ZNF728: variants seen among roughly 807,000 people sequenced by gnomAD.
ZNF728 encodes the protein zinc finger protein 728.
In ZNF728, 12 loss-of-function variants were observed where a neutral mutation model predicts 12.5. The observed-to-expected ratio is 0.96, with a 90% CI of 0.61 to 1.55. The LOEUF is 1.55. ZNF728 is among the 40% of genes most tolerant of loss of function. ZNF728 has a pLI of 0.00. For missense variants in ZNF728, 692 were observed against 719.2 expected (o/e 0.96, Z 0.43); for synonymous variants, 205 against 240.7 (o/e 0.85, Z 1.37).
In ZNF728 at chr19:22,977,075, C is replaced by T; in HGVS notation, c.262G>A (p.Glu88Lys). Reference protein sequence around the residue: ...CSHFAQDLWPEQGREDSFQKV... With the variant: ...CSHFAQDLWPKQGREDSFQKV... ...TGGAAAGAATCTTCTCTGCCCTGCTCTGGCCAAAGGTCTTGAGCAAAATGA... is the reference window on the plus strand; with the variant it reads ...TGGAAAGAATCTTCTCTGCCCTGCTTTGGCCAAAGGTCTTGAGCAAAATGA... The change falls in exon 4 of 4, where the codon GAG becomes AAG. Residue 88 changes from glutamate (E) to lysine (K), a missense_variant. Transcript: ENST00000594710. 6.2e-7 allele frequency: 1 copy of T among 1,605,106 alleles called. No individual in the cohort carries two copies. The highest frequency in any genetic ancestry group is 8.5e-7 in the Non-Finnish European group (1 of 1,176,680).
At position 22,975,800 on chromosome 19, in the gene ZNF728, A is replaced by T. The variant is rs777903201; in HGVS notation, c.1537T>A (p.Cys513Ser). ...GCAACCTTACTGAAGGCTTTGCCAC[A>T]TTCTTCACATTTGTAGGGTTTCTCT... Reference protein sequence around the residue: ...TGEKPYKCEECGKAFSKVANL... With the variant: ...TGEKPYKCEESGKAFSKVANL... The change falls in exon 4 of 4, where the codon TGT (cysteine) becomes AGT (serine). Residue 513 changes from cysteine to serine, a missense_variant. This residue lies in a region of ZNF728 where 244 missense variants were observed against 235.2 expected (regional missense o/e 1.04). Coordinates refer to ENST00000594710, the MANE Select transcript of ZNF728 (RefSeq NM_001267716.2). The T allele has an allele frequency of 6.2e-7, 1 of 1,612,676 alleles. No homozygotes were observed. Among genetic ancestry groups the T allele is most frequent in the Non-Finnish European group, 8.5e-7 (1 of 1,179,934 alleles).
At chr19:22,998,936 C>T (rs929232482) in intron 1 of ZNF728, among the ~76,000 whole-genome samples, 22 of 152,154 alleles carry the variant, frequency 1.4e-4, no homozygotes, top group African/African-American at 5.3e-4. Flanking sequence ...CTGAGTTTGT[C>T]TTCAGTGGTC....
chr19:22,977,491 TTC>T (rs2145332543), intron 3 of ZNF728, among the ~76,000 whole-genome samples: 1 of 152,304 alleles, frequency 6.6e-6, no homozygotes, highest in Non-Finnish European at 1.5e-5. Context: ...ACAATTTAAT[TTC>T]TGTCTTCTAT....
intron 3 of ZNF728, among the ~76,000 whole-genome samples, chr19:22,981,609 C>T (rs1464135954): frequency 6.6e-6 from 1 of 152,152 alleles, no homozygotes; most frequent in African/African-American, 2.4e-5. Flanking sequence ...CCCTGATGAA[C>T]ATGGATGCAA....
intron 3 of ZNF728, among the ~76,000 whole-genome samples, chr19:22,978,750 C>T (rs1968832063): frequency 6.6e-6 from 1 of 152,162 alleles, no homozygotes; most frequent in African/African-American, 2.4e-5. Context: ...AGCTCCAGCA[C>T]ATCTGCAGCA....
chr19:23,002,105 C>G (rs1442022557), intron 1 of ZNF728, among the ~76,000 whole-genome samples: 1 of 152,222 alleles, frequency 6.6e-6, no homozygotes, highest in Admixed American at 6.5e-5. Context: ...CACTTGAAAT[C>G]AGGAGTTCAA....
At chr19:22,980,595 A>G (rs375577046) in intron 3 of ZNF728, among the ~76,000 whole-genome samples, 6 of 152,264 alleles carry the variant, frequency 3.9e-5, no homozygotes, top group South Asian at 2.1e-4. Flanking sequence ...TCAACACCAC[A>G]TCACACTTAT....
rs182785555 is a variant in ZNF728, at chr19:22,980,911, G to A, written c.227-3801C>T. On this transcript the variant is annotated intron_variant, in intron 3 of 3. Transcript: ENST00000594710. Reference sequence around the variant, plus strand: ...AAAATTCACAGCACTAAATGCCCACGAGAGAAAGCAGGAAAGATCTAAAAT... The same window carrying A: ...AAAATTCACAGCACTAAATGCCCACAAGAGAAAGCAGGAAAGATCTAAAAT... Among the ~76,000 whole-genome samples the A allele has an allele frequency of 5.3e-5, 8 of 152,102 alleles. No homozygotes were observed. In the East Asian group the frequency reaches 5.8e-4, roughly 11 times the overall value.
At chr19:22,978,626 C>T (rs959931868) in intron 3 of ZNF728, among the ~76,000 whole-genome samples, 2 of 152,138 alleles carry the variant, frequency 1.3e-5, no homozygotes, top group African/African-American at 4.8e-5. Context: ...TGGCATCTGG[C>T]GGGTGGCCTG....
rs1403580472 is a variant in ZNF728 at position 22,988,586 on chromosome 19, T to C, written c.4-135A>G. 1.7e-5 allele frequency: 23 copies of C among 1,318,534 alleles called. No homozygotes were observed. In the Admixed American group the frequency reaches 5.5e-4, roughly 31 times the overall value. 81.7% of individuals were successfully genotyped at this position (1,318,534 alleles called of 1,614,324 possible). On this transcript the variant is annotated intron_variant, in intron 1 of 3. Transcript: ENST00000594710. ...GAGTGACTGAAATCATTCAATAAAA[T>C]AGTTTTCAACACAACAATATTCTCT...
At chr19:22,986,122 G>A (rs1409227013) in intron 3 of ZNF728, among the ~76,000 whole-genome samples, 2 of 151,904 alleles carry the variant, frequency 1.3e-5, no homozygotes, top group African/African-American at 2.4e-5. Flanking sequence ...ATTCTATCAC[G>A]CTGGAGGCCC....
At chr19:22,989,090 G>C (rs1371937473) in intron 1 of ZNF728, among the ~76,000 whole-genome samples, 1 of 139,334 alleles carries the variant, frequency 7.2e-6, no homozygotes, top group Admixed American at 7.2e-5. Context: ...TTAATTGTTT[G>C]TATTTTTCAG....
chr19:22,980,643 T>G (rs552567048), intron 3 of ZNF728, among the ~76,000 whole-genome samples: 1 of 152,220 alleles, frequency 6.6e-6, no homozygotes, highest in African/African-American at 2.4e-5. Flanking sequence ...AAAACACTCC[T>G]CAGCAAATGT....
chr19:23,000,145 G>C (rs1969092095), intron 1 of ZNF728, among the ~76,000 whole-genome samples: 1 of 152,210 alleles, frequency 6.6e-6, no homozygotes, highest in East Asian at 1.9e-4. Context: ...AAGGCAGGTG[G>C]ATCATGAGGT....
At chr19:22,999,179 A>C (rs1323981213) in intron 1 of ZNF728, among the ~76,000 whole-genome samples, 10 of 152,158 alleles carry the variant, frequency 6.6e-5, no homozygotes, top group Admixed American at 6.6e-4. Flanking sequence ...CTAGGAAAAA[A>C]AGCCCTTTTC....
chr19:23,001,843 G>A lies in ZNF728; in HGVS notation c.3+1185C>T, dbSNP rs1969116502. On this transcript the variant is annotated intron_variant, in intron 1 of 3. Coordinates refer to ENST00000594710, the MANE Select transcript of ZNF728 (RefSeq NM_001267716.2). ...AATGTCAGAAGGAAGTGAAAATCAA[G>A]TATTTTACTGCAAGCCAGAGTCAGG... Among the ~76,000 whole-genome samples, 3 of 152,294 alleles carry A rather than the reference G, an allele frequency of 2.0e-5. No individual in the cohort carries two copies. The South Asian group carries it at 6.2e-4, about 32-fold the overall frequency.
chr19:22,995,209 G>A (rs375691724), intron 1 of ZNF728: 2 of 152,200 alleles, frequency 1.3e-5, no homozygotes, highest in Non-Finnish European at 2.9e-5. Context: ...TTCTGAAACA[G>A]ACACACAATG....
intron 3 of ZNF728, among the ~76,000 whole-genome samples, chr19:22,978,001 T>A (rs1968824224): frequency 6.6e-6 from 1 of 151,798 alleles, no homozygotes; most frequent in South Asian, 2.1e-4. Flanking sequence ...AAAATGAGGA[T>A]AAGAACAAAA....
intron 3 of ZNF728, among the ~76,000 whole-genome samples, chr19:22,979,102 G>A (rs1449202457): frequency 1.3e-5 from 2 of 152,158 alleles, no homozygotes; most frequent in African/African-American, 4.8e-5. Flanking sequence ...ATGCCAGGAA[G>A]CTAAGAACCT....
Sources: gnomAD v4.1 joint callset for allele counts (sites outside exome capture counted in the v4.1 genomes callset) on GRCh38, gnomAD v4.1.1 for gene constraint, gnomAD v4.1.1 regional missense constraint, MANE v1.5 for transcripts, NCBI Gene and HGNC (gene_info 2026-07-23, HGNC 2026-07-21) for gene names.